Variants in PDZD2 observed in about 807,000 individuals in gnomAD.
PDZD2 encodes PDZ domain containing 2.
A neutral mutation model predicts 220.7 loss-of-function variants in PDZD2; 90 were observed. That is an observed-to-expected ratio of 0.41 (90% CI 0.34 to 0.49). The LOEUF is 0.49. PDZD2 is among the 20% of genes least tolerant of loss of function. PDZD2 has a pLI of 0.28. For synonymous variants in PDZD2, 1,375 were observed against 1,450.5 expected, an observed-to-expected ratio of 0.95 and a Z score of 1.18; for missense variants, 3,174 against 3,608.5, an observed-to-expected ratio of 0.88 and a Z score of 3.08.
chr5:31,691,869 T>C (rs1747147890), intron 1 of PDZD2, among the ~76,000 whole-genome samples: 1 of 152,216 alleles, frequency 6.6e-6, no homozygotes, highest in Non-Finnish European at 1.5e-5. Context: ...TACAGAGTGC[T>C]GATTGGTGTA....
At chr5:31,667,611 C>A (rs1421212676) in intron 1 of PDZD2, among the ~76,000 whole-genome samples, 1 of 152,002 alleles carries the variant, frequency 6.6e-6, no homozygotes, top group Non-Finnish European at 1.5e-5. Flanking sequence ...GAAGGAACAG[C>A]CAGTGCAAGG....
At chr5:31,715,370 T>G (rs1748385153) in intron 1 of PDZD2, among the ~76,000 whole-genome samples, 1 of 152,212 alleles carries the variant, frequency 6.6e-6, no homozygotes, top group African/African-American at 2.4e-5. Flanking sequence ...AAAGTCATGC[T>G]TCTTTCTGGT....
At chr5:31,922,232 A>G (rs1161750740) in intron 2 of PDZD2, among the ~76,000 whole-genome samples, 2 of 152,200 alleles carry the variant, frequency 1.3e-5, no homozygotes, top group African/African-American at 4.8e-5. Context: ...CTACCACAGA[A>G]TGGACGTAAT....
intron 19 of PDZD2, chr5:32,077,892 G>A: frequency 3.0e-6 from 1 of 337,652 alleles, no homozygotes; most frequent in East Asian, 7.3e-5. Context: ...GGTAGGCGGA[G>A]GTTGCAGTGA....
intron 19 of PDZD2, among the ~76,000 whole-genome samples, chr5:32,082,714 G>A (rs554903356): frequency 6.6e-6 from 1 of 152,290 alleles, no homozygotes; most frequent in South Asian, 2.1e-4. Context: ...ATACGTGTGT[G>A]TGTATGTATG....
chr5:31,687,020 G>C (rs553252608), intron 1 of PDZD2, among the ~76,000 whole-genome samples: 12 of 152,252 alleles, frequency 7.9e-5, no homozygotes, highest in African/African-American at 2.9e-4. Flanking sequence ...CAACGAGGCT[G>C]TTATAGACAC....
intron 1 of PDZD2, among the ~76,000 whole-genome samples, chr5:31,760,871 G>A (rs1260351742): frequency 2.0e-5 from 3 of 152,274 alleles, no homozygotes; most frequent in Middle Eastern, 3.4e-3. Context: ...GCAGTGACCC[G>A]AGATCACGCC....
At chr5:32,066,749 C>A (rs1476833792) in intron 14 of PDZD2, among the ~76,000 whole-genome samples, 1 of 152,256 alleles carries the variant, frequency 6.6e-6, no homozygotes. Flanking sequence ...GTTCAGAGGT[C>A]TAGTTCATCT....
chr5:32,083,046 C>T lies in PDZD2; in HGVS notation c.3683-4085C>T, dbSNP rs972402601. Among the ~76,000 whole-genome samples, 1 of 152,082 alleles carries T rather than the reference C, an allele frequency of 6.6e-6. No individual in the cohort carries two copies. The highest frequency in any genetic ancestry group is 1.5e-5 in the Non-Finnish European group (1 of 68,016). ...TTTATTCTAGAAACTTAAGAAATTACAATTGAGAGGGAAGTTTTGAAAGAT... is the reference window on the plus strand; with the variant it reads ...TTTATTCTAGAAACTTAAGAAATTATAATTGAGAGGGAAGTTTTGAAAGAT... On this transcript the variant is annotated intron_variant, in intron 19 of 24. Transcript: ENST00000438447. The surrounding 1 kb of genome is among the most constrained non-coding windows in gnomAD (Gnocchi z 4.1).
At chr5:31,988,694 A>G (rs2111914175) in intron 3 of PDZD2, among the ~76,000 whole-genome samples, 1 of 151,480 alleles carries the variant, frequency 6.6e-6, no homozygotes, top group East Asian at 1.9e-4. Context: ...TCTGGAAGCT[A>G]TCCCTGATAT....
intron 6 of PDZD2, among the ~76,000 whole-genome samples, chr5:32,019,139 CTTTTTTTTTT>C (rs3037908): frequency 9.4e-6 from 1 of 106,198 alleles, no homozygotes; most frequent in African/African-American, 3.6e-5. Context: ...CATAGAAAAG[CTTTTTTTTTT>C]TTTTTTTTTT....
At chr5:31,882,607 A>G (rs1404728921) in intron 2 of PDZD2, among the ~76,000 whole-genome samples, 1 of 152,228 alleles carries the variant, frequency 6.6e-6, no homozygotes, top group East Asian at 1.9e-4. Context: ...ACATTAATAA[A>G]TGCAGTTGAA....
chr5:32,028,684 G>GTTGTTT (rs1754877477), intron 6 of PDZD2, among the ~76,000 whole-genome samples: 1 of 97,512 alleles, frequency 1.0e-5, no homozygotes, highest in Non-Finnish European at 2.3e-5. Context: ...TGTTTTTTTT[G>GTTGTTT]TTTTTTTTTT....
intron 2 of PDZD2, among the ~76,000 whole-genome samples, chr5:31,943,482 G>A (rs1746383179): frequency 2.6e-5 from 4 of 152,112 alleles, no homozygotes; most frequent in Non-Finnish European, 5.9e-5. Flanking sequence ...AAAAAGCGGG[G>A]TTATTTTAGT....
rs201540381 is a variant in PDZD2 at position 32,088,694 on chromosome 5, C to T, written c.5246C>T (p.Thr1749Ile). ...GACGAAACCCTGAATCAATACGAAA[C>T]AAGCATTAATGCAGCTGCCAGTCTG... ...LDDETLNQYE[T>I]SINAAASLSS... The change falls in exon 20 of 25, where the codon ACA (threonine) becomes ATA (isoleucine). Residue 1749 changes from threonine to isoleucine, a missense_variant. By Grantham distance (89) the Thr-to-Ile change is moderately conservative. Around this residue, in one of 4 missense-constraint regions of PDZD2, gnomAD observed 1,861 missense variants for 2,001.0 expected, o/e 0.93. Coordinates refer to ENST00000438447, the MANE Select transcript of PDZD2 (RefSeq NM_178140.4). The surrounding 1 kb of genome is among the most constrained non-coding windows in gnomAD (Gnocchi z 4.6). 6.2e-7 allele frequency: 1 copy of T among 1,614,000 alleles called. No individual in the cohort carries two copies. The highest frequency in any genetic ancestry group is 8.5e-7 in the Non-Finnish European group (1 of 1,179,890).
intron 2 of PDZD2, among the ~76,000 whole-genome samples, chr5:31,981,188 C>T (rs896574554): frequency 6.6e-6 from 1 of 152,182 alleles, no homozygotes; most frequent in African/African-American, 2.4e-5. Flanking sequence ...TGTAAGTTTA[C>T]TACCATGGTT....
At position 32,110,729 on chromosome 5, in the gene PDZD2, T is replaced by G. The variant is rs1745310116; in HGVS notation, c.*2594T>G. 1 of 152,664 alleles carries G rather than the reference T, an allele frequency of 6.6e-6. No individual in the cohort carries two copies. Among genetic ancestry groups the G allele is most frequent in the South Asian group, 2.1e-4 (1 of 4,830 alleles). The allele number at this position is 152,664 out of a possible 1,614,324, so 9.5% of individuals were successfully genotyped here. A position where few individuals can be genotyped will look rare whatever the true frequency, so the allele number is the denominator to read the frequency against. On this transcript the variant is annotated 3_prime_UTR_variant, in exon 25 of 25. Transcript: ENST00000438447. Reference sequence around the variant, plus strand: ...CATTGAATTTGATGGTTGACTTAATTGGCACCATAACTTTGTATGATATTA... The same window carrying G: ...CATTGAATTTGATGGTTGACTTAATGGGCACCATAACTTTGTATGATATTA...
intron 1 of PDZD2, among the ~76,000 whole-genome samples, chr5:31,724,618 A>C (rs1288883508): frequency 1.3e-5 from 2 of 151,778 alleles, no homozygotes; most frequent in East Asian, 1.9e-4. Flanking sequence ...AAAAAAAAAA[A>C]AAAAAAAACT....
At chr5:32,043,598 G>T (rs1007796751) in intron 7 of PDZD2, among the ~76,000 whole-genome samples, 1 of 152,250 alleles carries the variant, frequency 6.6e-6, no homozygotes, top group African/African-American at 2.4e-5. Flanking sequence ...CCATGAGGCG[G>T]CTGCCACTGT....
Sources: allele counts gnomAD v4.1 joint callset (sites outside exome capture counted in the v4.1 genomes callset), GRCh38; gene constraint gnomAD v4.1.1; regional missense constraint gnomAD v4.1.1; non-coding constraint Gnocchi (gnomAD v3.1); transcripts MANE v1.5; gene names NCBI Gene and HGNC (gene_info 2026-07-23, HGNC 2026-07-21).